Variants in SORCS2 observed in about 807,000 individuals in gnomAD.
SORCS2 encodes VPS10 domain-containing receptor SorCS2.
Under a neutral mutation model 141.6 loss-of-function variants are expected in SORCS2, and 100 were observed. The observed-to-expected ratio is 0.71, with a 90% CI of 0.60 to 0.83. SORCS2 has a LOEUF of 0.83. SORCS2 is among the 40% of genes least tolerant of loss of function. The probability of loss-of-function intolerance (pLI) is 0.00; values close to 1 mark genes in which losing one functional copy is unlikely to be tolerated. For missense variants in SORCS2, 1,646 were observed against 1,560.2 expected (o/e 1.05, Z -0.93); for synonymous variants, 789 against 676.9 (o/e 1.17, Z -2.57).
intron 1 of SORCS2, among the ~76,000 whole-genome samples, chr4:7,378,612 G>A (rs575634763): frequency 2.6e-5 from 4 of 152,218 alleles, no homozygotes; most frequent in South Asian, 4.2e-4. Context: ...ACCTGGTCCC[G>A]CCCTTGACAC....
chr4:7,722,382 C>A (rs1182467004), intron 18 of SORCS2, among the ~76,000 whole-genome samples: 1 of 152,244 alleles, frequency 6.6e-6, no homozygotes, highest in African/African-American at 2.4e-5. Context: ...AGTCTTCTAA[C>A]CTGTCAAATG....
At position 7,413,016 on chromosome 4, in the gene SORCS2, A is replaced by T. The variant is rs375281720; in HGVS notation, c.548+16661A>T. Among the ~76,000 whole-genome samples the T allele has an allele frequency of 2.6e-5, 4 of 152,056 alleles. No individual in the cohort carries two copies. In the South Asian group the frequency reaches 6.2e-4, roughly 24 times the overall value. On this transcript the variant is annotated intron_variant, in intron 2 of 26. Coordinates refer to ENST00000507866, the MANE Select transcript of SORCS2 (RefSeq NM_020777.3). ...CACATCCACGAGGCATCATGCGTGA[A>T]TTTCAGTGTTAACCGCCTCCCATTT...
intron 1 of SORCS2, among the ~76,000 whole-genome samples, chr4:7,200,517 G>A (rs902990391): frequency 1.4e-4 from 21 of 152,108 alleles, no homozygotes; most frequent in Non-Finnish European, 2.5e-4. Flanking sequence ...CTACCAACCC[G>A]GACGTTGTTT....
At chr4:7,544,830 C>T (rs1247724678) in intron 3 of SORCS2, among the ~76,000 whole-genome samples, 1 of 152,182 alleles carries the variant, frequency 6.6e-6, no homozygotes, top group Non-Finnish European at 1.5e-5. Flanking sequence ...GTGGCTGGTT[C>T]CTCTGAGGGC....
chr4:7,726,712 T>C, intron 20 of SORCS2, 68 bp from the exon 21 acceptor site: 1 of 1,572,678 alleles, frequency 6.4e-7, no homozygotes, highest in Non-Finnish European at 8.6e-7. Flanking sequence ...GCAGCGACCA[T>C]AGGCCAGCGT....
Position 7,403,979 on chromosome 4 carries a change from ATATATATATATATATATATTTTTT to A in SORCS2, c.548+7626_548+7649del, listed in dbSNP as rs1724773198. The stretch of plus-strand genomic sequence containing the variant: ...CATGTGTGTATATATATATATATAT[ATATATATATATATATATATTTTTT>A]TTTTTTTTTTAGTATCCATTTATGA... On this transcript the variant is annotated intron_variant, in intron 2 of 26. Transcript: ENST00000507866. Among the ~76,000 whole-genome samples, 2 of 17,884 alleles carry A rather than the reference ATATATATATATATATATATTTTTT, an allele frequency of 1.1e-4. 1 individual carries two copies. Among genetic ancestry groups the A allele is most frequent in the East Asian group, 1.8e-3 (2 of 1,100 alleles). 11.7% of individuals were successfully genotyped at this position (17,884 alleles called of 152,430 possible).
At chr4:7,302,140 C>T (rs909591665) in intron 1 of SORCS2, among the ~76,000 whole-genome samples, 2 of 152,266 alleles carry the variant, frequency 1.3e-5, no homozygotes, top group Non-Finnish European at 2.9e-5. Context: ...TCTCTGGTCT[C>T]ATCCGTGATA....
rs756489914 is a variant in SORCS2 at position 7,433,700 on chromosome 4, T to C, written c.548+37345T>C. 40 of 1,612,854 alleles carry C rather than the reference T, an allele frequency of 2.5e-5. No individual in the cohort carries two copies. In the South Asian group the frequency reaches 2.5e-4, roughly 10 times the overall value. On this transcript the variant is annotated intron_variant, in intron 2 of 26. Coordinates refer to ENST00000507866, the MANE Select transcript of SORCS2 (RefSeq NM_020777.3). ...AGCCTCTTGCACCCATTGCAGAAGC[T>C]GCCCTGGTTCTCCGCGTCCCACTCT...
At chr4:7,406,309 G>A (rs961110478) in intron 2 of SORCS2, among the ~76,000 whole-genome samples, 18 of 149,776 alleles carry the variant, frequency 1.2e-4, no homozygotes, top group African/African-American at 3.9e-4. Context: ...AGTAGGATTG[G>A]TATCAGTTCT....
intron 2 of SORCS2, among the ~76,000 whole-genome samples, chr4:7,419,338 G>C (rs73796563): frequency 0.029 from 4,450 of 152,134 alleles, 208 homozygotes; most frequent in African/African-American, 0.1. Context: ...GCTGGGTAGA[G>C]GTCTCTCATG....
intron 1 of SORCS2, among the ~76,000 whole-genome samples, chr4:7,302,006 C>T (rs559720782): frequency 2.0e-3 from 312 of 152,346 alleles, no homozygotes; most frequent in African/African-American, 6.6e-3. Flanking sequence ...CCCACCGGGA[C>T]GCACAGGCAG....
chr4:7,486,709 C>G (rs749976933), intron 2 of SORCS2, among the ~76,000 whole-genome samples: 24 of 152,180 alleles, frequency 1.6e-4, no homozygotes, highest in Non-Finnish European at 3.2e-4. Context: ...AGGAGGATCC[C>G]TCCTGGCTCT....
rs185783214 is a variant in SORCS2, at chr4:7,260,285, C to A, written c.480+67159C>A. Among the ~76,000 whole-genome samples the A allele has an allele frequency of 6.6e-5, 10 of 152,302 alleles. No homozygotes were observed. The East Asian group carries it at 1.9e-3, about 29-fold the overall frequency. On this transcript the variant is annotated intron_variant, in intron 1 of 26. Coordinates refer to ENST00000507866, the MANE Select transcript of SORCS2 (RefSeq NM_020777.3). ...GGATTTCCTCCTCTCTGTGGCCACT[C>A]AAAGGGGTCTGCTGTGTGGGTTTAT...
At chr4:7,351,224 TCTG>T (rs1309985928) in intron 1 of SORCS2, among the ~76,000 whole-genome samples, 1 of 152,182 alleles carries the variant, frequency 6.6e-6, no homozygotes, top group Non-Finnish European at 1.5e-5. Context: ...GGACTTCACA[TCTG>T]CTGTTTACTG....
intron 1 of SORCS2, among the ~76,000 whole-genome samples, chr4:7,199,322 G>C (rs1450206581): frequency 6.6e-6 from 1 of 152,196 alleles, no homozygotes; most frequent in African/African-American, 2.4e-5. Flanking sequence ...ACAGTGCAGG[G>C]AGAGCAAGGT....
intron 3 of SORCS2, among the ~76,000 whole-genome samples, chr4:7,535,977 C>A (rs570564544): frequency 7.9e-5 from 12 of 152,364 alleles, no homozygotes; most frequent in African/African-American, 2.9e-4. Context: ...ATCTAACTAA[C>A]AGGGCGGCAT....
chr4:7,697,405 T>A (rs909772425), intron 12 of SORCS2, 131 bp downstream of exon 12: 1 of 805,966 alleles, frequency 1.2e-6, no homozygotes, highest in African/African-American at 1.8e-5. Context: ...TCTCCCATCT[T>A]GCAGCCAAAG....
At chr4:7,667,271 C>T in intron 8 of SORCS2, 58 bp downstream of exon 8, 4 of 1,491,486 alleles carry the variant, frequency 2.7e-6, no homozygotes, top group Admixed American at 1.7e-5. Flanking sequence ...TATCCTGACT[C>T]ATGGGGCAAC....
chr4:7,682,645 G>T, intron 9 of SORCS2, 98 bp from the exon 10 acceptor site: 1 of 1,231,654 alleles, frequency 8.1e-7, no homozygotes, highest in Non-Finnish European at 1.1e-6. Context: ...GAGGCCACAT[G>T]TGCAGAGCAC....
Sources: allele counts gnomAD v4.1 joint callset (sites outside exome capture counted in the v4.1 genomes callset), GRCh38; gene constraint gnomAD v4.1.1; transcripts MANE v1.5; gene names NCBI Gene and HGNC (gene_info 2026-07-23, HGNC 2026-07-21).